MAP7D3: variants seen among roughly 807,000 people sequenced by gnomAD.
The protein encoded by MAP7D3 is MAP7 domain containing 3, also known as MAP7 domain-containing protein 3.
A neutral mutation model predicts 62.2 loss-of-function variants in MAP7D3; 45 were observed. The observed-to-expected ratio is 0.72, with a 90% CI of 0.57 to 0.93. MAP7D3 has a LOEUF of 0.93. Ranked by LOEUF, MAP7D3 falls within the 40% of genes least tolerant of loss-of-function variation. MAP7D3 has a pLI of 0.00. For synonymous variants in MAP7D3, 288 were observed against 248.8 expected (o/e 1.16, Z -1.48); for missense variants, 711 against 683.1 (o/e 1.04, Z -0.45).
rs2148396159 is a variant in MAP7D3 at position 136,219,668 on chromosome X, T to C, written c.2490A>G (p.Pro830=). 8.3e-7 allele frequency: 1 copy of C among 1,201,398 alleles called. No individual in the cohort carries two copies. The highest frequency in any genetic ancestry group is 1.8e-5 in the South Asian group (1 of 56,811). Residue 830 remains proline (P), a synonymous_variant, in exon 17 of 19, where the codon CCA becomes CCG. Transcript: ENST00000316077. ...DTSIQEVVSR[P]SSKRMTSHTT... ...TGTGACTGGTCATTCTTTTGGAAGA[T>C]GGTCTGGAAAGAGACAGTTTGGTTA... is the stretch of plus-strand genomic sequence containing the variant.
chrX:136,249,844 AC>A (rs758860544), intron 1 of MAP7D3, among the ~76,000 whole-genome samples: 1 of 112,282 alleles, frequency 8.9e-6, no homozygotes, highest in Non-Finnish European at 1.9e-5. Context: ...AAGGTTTTAA[AC>A]CAGGGTCCTA....
chrX:136,247,587 A>G (rs2074462005), intron 1 of MAP7D3, among the ~76,000 whole-genome samples: 1 of 80,011 alleles, frequency 1.2e-5, no homozygotes, highest in African/African-American at 4.3e-5. Flanking sequence ...CGTAAGGATC[A>G]CCATTTTTTT....
At chrX:136,226,075 C>G (rs1047504436) in intron 12 of MAP7D3, 62 bp from the exon 13 acceptor site, 2 of 802,363 alleles carry the variant, frequency 2.5e-6, no homozygotes, top group African/African-American at 4.2e-5. Context: ...TCAGAGAACT[C>G]TAGTTTAAAA....
intron 10 of MAP7D3, among the ~76,000 whole-genome samples, chrX:136,229,957 G>T (rs375389634): frequency 0.025 from 884 of 35,225 alleles, 16 homozygotes; most frequent in African/African-American, 0.056. Flanking sequence ...TTTTTTTTTT[G>T]TGTGTGTATA....
chrX:136,241,343 T>C, intron 4 of MAP7D3, 66 bp from the exon 5 acceptor site: 14 of 643,143 alleles, frequency 2.2e-5, no homozygotes, highest in Non-Finnish European at 3.0e-5. Flanking sequence ...TGATCTGTGG[T>C]TTATAAAATA....
In MAP7D3 at chrX:136,230,496, G is replaced by A; in HGVS notation, c.1639C>T (p.His547Tyr). The change falls in exon 10 of 19, where the codon CAC (histidine) becomes TAC (tyrosine). Residue 547 changes from histidine (H) to tyrosine (Y), a missense_variant. Transcript: ENST00000316077. ...GATGCACTTTGCACAGACAGGGTGT[G>A]TTGAATAGGCATTATTTTATAAGGA... ...SFPYKIMPIQ[H>Y]TLSVQSASST... is the part of the protein sequence containing the mutation. 1.7e-6 allele frequency: 2 copies of A among 1,185,075 alleles called. No individual in the cohort carries two copies. The highest frequency in any genetic ancestry group is 1.8e-5 in the South Asian group (1 of 56,352).
rs746922793 is a variant in MAP7D3, at chrX:136,218,631, A to G, written c.*33-138T>C. ...GGAGTTGCTGACACACTGGTCCTAT[A>G]AATGTCCTTCACTTCCCCAGTCCCC... On this transcript the variant is annotated intron_variant, in intron 18 of 18. Coordinates refer to ENST00000316077, the MANE Select transcript of MAP7D3 (RefSeq NM_024597.4). The G allele has an allele frequency of 2.7e-5, 3 of 111,735 alleles. No individual in the cohort carries two copies. The South Asian group carries it at 1.1e-3, about 42-fold the overall frequency. The allele number at this position is 111,735 out of a possible 1,213,427, so 9.2% of individuals were successfully genotyped here.
intron 1 of MAP7D3, 26 bp downstream of exon 1, chrX:136,251,262 AC>A: frequency 2.7e-6 from 3 of 1,116,450 alleles, no homozygotes; most frequent in Non-Finnish European, 1.2e-6. Context: ...GGCCCGAACC[AC>A]CCCCGGGAGC....
intron 1 of MAP7D3, among the ~76,000 whole-genome samples, chrX:136,250,338 G>C (rs1398035952): frequency 1.8e-5 from 2 of 112,025 alleles, no homozygotes; most frequent in African/African-American, 6.5e-5. Flanking sequence ...ATAGCAGAGG[G>C]AACTAGTCTA....
chrX:136,224,850 T>G lies in MAP7D3; in HGVS notation c.2170A>C (p.Lys724Gln). 1 of 1,179,497 alleles carries G rather than the reference T, an allele frequency of 8.5e-7. No individual in the cohort carries two copies. Residue 724 changes from lysine to glutamine, a missense_variant, in exon 14 of 19, where the codon AAG becomes CAG. Lys to Gln is a moderately conservative substitution (Grantham distance 53). Transcript: ENST00000316077. ...RIEEIMKRTR[K>Q]TDVNASKVTE... The stretch of plus-strand genomic sequence containing the variant: ...ACCTTTGAGGCATTCACATCTGTCT[T>G]TCTTGTCCGCTTCATAATTTCTTCT...
chrX:136,230,823 C>A lies in MAP7D3; in HGVS notation c.1541+16G>T. On this transcript the variant is annotated intron_variant, in intron 9 of 18. Transcript: ENST00000316077. ...GTAAAACGCCTATCAGGAACAGTTG[C>A]GAATAAGCTGCTTACTTAGTGCTGA... 1 of 1,198,488 alleles carries A rather than the reference C, an allele frequency of 8.3e-7. No homozygotes were observed. The highest frequency in any genetic ancestry group is 1.9e-5 in the South Asian group (1 of 53,990).
At chrX:136,240,571 T>C (rs2074378550) in intron 5 of MAP7D3, 85 bp from the exon 6 acceptor site, 4 of 617,960 alleles carry the variant, frequency 6.5e-6, no homozygotes, top group South Asian at 5.2e-5. Context: ...TTTCATGATA[T>C]AGTTCTATGG....
intron 6 of MAP7D3, among the ~76,000 whole-genome samples, chrX:136,238,606 G>A (rs891030624): frequency 9.0e-6 from 1 of 111,459 alleles, no homozygotes; most frequent in Admixed American, 9.5e-5. Context: ...ATATAAAAGT[G>A]CTTTGGGAAA....
At chrX:136,251,446 C>G, upstream of MAP7D3, 1 of 452,658 alleles carries the variant, frequency 2.2e-6, no homozygotes, top group Non-Finnish European at 2.6e-6. Flanking sequence ...GCCGGGCTGC[C>G]GGTGGGCGGG....
At chrX:136,254,260 T>G (rs1005708052), upstream of MAP7D3, among the ~76,000 whole-genome samples, 3 of 108,275 alleles carry the variant, frequency 2.8e-5, no homozygotes, top group African/African-American at 1.0e-4. Flanking sequence ...AATTTTTGTA[T>G]TTTTAGTAGA....
chrX:136,251,471 G>A, upstream of MAP7D3: 1 of 822,440 alleles, frequency 1.2e-6, no homozygotes, highest in East Asian at 6.1e-5. Flanking sequence ...GGCGGGGCGG[G>A]GCGGGGCGGG....
chrX:136,230,904 A>G lies in MAP7D3; in HGVS notation c.1476T>C (p.Thr492=), dbSNP rs758844061. ...GAGATGATGACCATTTATAACACTCAGTGTATGATGATAGACGCTTCTTGG... is the reference window on the plus strand; with the variant it reads ...GAGATGATGACCATTTATAACACTCGGTGTATGATGATAGACGCTTCTTGG... ...PIAKKRLSSY[T]ECYKWSSSPE... Residue 492 remains threonine, a synonymous_variant, in exon 9 of 19, where the codon ACT becomes ACC. Coordinates refer to ENST00000316077, the MANE Select transcript of MAP7D3 (RefSeq NM_024597.4). 5.0e-6 allele frequency: 6 copies of G among 1,197,758 alleles called. No homozygotes were observed. In the South Asian group the frequency reaches 1.1e-4, roughly 21 times the overall value.
chrX:136,244,378 A>G (rs1254211629), intron 4 of MAP7D3, among the ~76,000 whole-genome samples: 2 of 111,687 alleles, frequency 1.8e-5, no homozygotes, highest in Non-Finnish European at 3.8e-5. Context: ...CAAGTCCTGA[A>G]GGTGGATGGG....
Position 136,230,613 on chromosome X carries a change from A to AT in MAP7D3, c.1542-21dup. On this transcript the variant is annotated intron_variant, in intron 9 of 18. Transcript: ENST00000316077. ...TGCCTGCTGAGAAAAAGTAATACACATTTGCTAATTAATTTTCAGTGTACA... is the reference window on the plus strand; with the variant it reads ...TGCCTGCTGAGAAAAAGTAATACACATTTTGCTAATTAATTTTCAGTGTACA... The AT allele has an allele frequency of 9.6e-7, 1 of 1,045,116 alleles. No individual in the cohort carries two copies. Among genetic ancestry groups the AT allele is most frequent in the Non-Finnish European group, 1.3e-6 (1 of 752,695 alleles). The allele number at this position is 1,045,116 out of a possible 1,213,427, so 86.1% of individuals were successfully genotyped here.
Sources: gnomAD v4.1 joint callset for allele counts (sites outside exome capture counted in the v4.1 genomes callset) on GRCh38, gnomAD v4.1.1 for gene constraint, MANE v1.5 for transcripts, NCBI Gene and HGNC (gene_info 2026-07-23, HGNC 2026-07-21) for gene names.